SDK1: variants seen among roughly 807,000 people sequenced by gnomAD.
The protein encoded by SDK1 is sidekick cell adhesion molecule 1.
SDK1 carries 157 observed loss-of-function variants against 245.5 expected under a neutral mutation model. That is an observed-to-expected ratio of 0.64 (90% CI 0.56 to 0.73). The LOEUF is 0.73. Among genes scored for constraint, SDK1 ranks in the 30% least tolerant of loss-of-function variants. The probability of loss-of-function intolerance (pLI) is 0.00; values close to 1 mark genes in which losing one functional copy is unlikely to be tolerated. For missense variants in SDK1, 3,583 were observed against 3,002.3 expected, an observed-to-expected ratio of 1.19 and a Z score of -4.52; for synonymous variants, 1,647 against 1,278.5, an observed-to-expected ratio of 1.29 and a Z score of -6.15.
At chr7:4,242,325 G>T (rs1786580060) in intron 43 of SDK1, among the ~76,000 whole-genome samples, 1 of 152,176 alleles carries the variant, frequency 6.6e-6, no homozygotes, top group Admixed American at 6.5e-5. Context: ...TGATTTCATT[G>T]CTCTGTGTAT....
At chr7:3,974,874 T>C (rs1222925801) in intron 13 of SDK1, 1 of 210,382 alleles carries the variant, frequency 4.8e-6, no homozygotes, top group Non-Finnish European at 9.6e-6. Context: ...CAAGTTCATT[T>C]TTCCACATAA....
intron 17 of SDK1, among the ~76,000 whole-genome samples, chr7:4,033,188 G>T (rs568216493): frequency 6.6e-6 from 1 of 152,138 alleles, no homozygotes; most frequent in East Asian, 1.9e-4. Context: ...TATAATAAAA[G>T]GACATCTTGA....
chr7:4,194,588 A>C (rs757502712), intron 35 of SDK1, among the ~76,000 whole-genome samples: 12 of 152,104 alleles, frequency 7.9e-5, no homozygotes, highest in Non-Finnish European at 1.3e-4. Context: ...TCCGAGCCTC[A>C]AAACTGAACA....
intron 36 of SDK1, 54 bp from the exon 37 acceptor site, chr7:4,208,045 G>A (rs1227941739): frequency 1.6e-5 from 23 of 1,395,756 alleles, no homozygotes; most frequent in African/African-American, 5.7e-5. Flanking sequence ...AGTGGCCCCC[G>A]CTTACTGGAA....
At chr7:3,520,534 A>G (rs1025188958) in intron 1 of SDK1, among the ~76,000 whole-genome samples, 7 of 152,220 alleles carry the variant, frequency 4.6e-5, no homozygotes, top group African/African-American at 1.7e-4. Flanking sequence ...GGAAGTTTTA[A>G]TATAAATCTC....
intron 28 of SDK1, among the ~76,000 whole-genome samples, chr7:4,145,174 CA>C (rs1779875020): frequency 6.6e-6 from 1 of 152,100 alleles, no homozygotes; most frequent in African/African-American, 2.4e-5. Context: ...GGGGTGGGGC[CA>C]AAGAAGGGGC....
At chr7:3,622,366 AG>A (rs1312331955) in intron 2 of SDK1, among the ~76,000 whole-genome samples, 4 of 152,122 alleles carry the variant, frequency 2.6e-5, no homozygotes, top group Admixed American at 2.6e-4. Context: ...CTGTAATCCC[AG>A]CTACTTGGGA....
At chr7:3,506,595 GT>G (rs1368627557) in intron 1 of SDK1, among the ~76,000 whole-genome samples, 1 of 152,014 alleles carries the variant, frequency 6.6e-6, no homozygotes, top group Non-Finnish European at 1.5e-5. Flanking sequence ...ATATTATATT[GT>G]TTGCTGTTTT....
intron 35 of SDK1, among the ~76,000 whole-genome samples, chr7:4,189,122 C>T (rs2128222037): frequency 6.6e-6 from 1 of 152,234 alleles, no homozygotes; most frequent in Admixed American, 6.5e-5. Flanking sequence ...ATTTGGAAAT[C>T]CTCGCCGTCT....
intron 4 of SDK1, among the ~76,000 whole-genome samples, chr7:3,768,995 C>G: frequency 6.6e-6 from 1 of 152,178 alleles, no homozygotes; most frequent in East Asian, 1.9e-4. Flanking sequence ...CGGGTGACAT[C>G]TGTAAAATGG....
At chr7:3,726,831 A>G (rs138822329) in intron 4 of SDK1, among the ~76,000 whole-genome samples, 1 of 151,992 alleles carries the variant, frequency 6.6e-6, no homozygotes, top group Non-Finnish European at 1.5e-5. Context: ...AACTCCCCCA[A>G]CTCTTCTCTT....
At chr7:3,860,990 G>C (rs60121447) in intron 5 of SDK1, among the ~76,000 whole-genome samples, 8,066 of 152,166 alleles carry the variant, frequency 0.053, 692 homozygotes, top group African/African-American at 0.18. Context: ...CTGGGCAGCT[G>C]TCCCCACTTT....
At chr7:4,053,485 T>C (rs1445513045) in intron 19 of SDK1, among the ~76,000 whole-genome samples, 2 of 152,190 alleles carry the variant, frequency 1.3e-5, no homozygotes, top group African/African-American at 4.8e-5. Context: ...TATTGGATCC[T>C]TTCCCTCCTC....
intron 5 of SDK1, among the ~76,000 whole-genome samples, chr7:3,842,217 C>A (rs1030696072): frequency 1.3e-5 from 2 of 152,188 alleles, no homozygotes; most frequent in African/African-American, 2.4e-5. Context: ...GTACTTGCAC[C>A]ACCATCCCCA....
intron 4 of SDK1, among the ~76,000 whole-genome samples, chr7:3,678,936 A>T (rs190518527): frequency 6.6e-6 from 1 of 152,320 alleles, no homozygotes; most frequent in Admixed American, 6.5e-5. Context: ...ACTTAAATGA[A>T]CAACAACAAC....
At chr7:3,328,362 T>G (rs889733480) in intron 1 of SDK1, among the ~76,000 whole-genome samples, 1 of 152,122 alleles carries the variant, frequency 6.6e-6, no homozygotes, top group African/African-American at 2.4e-5. Flanking sequence ...CTTTTAGATA[T>G]ATATATTGAA....
intron 4 of SDK1, among the ~76,000 whole-genome samples, chr7:3,695,783 C>G (rs960633882): frequency 6.6e-6 from 1 of 152,114 alleles, no homozygotes. Context: ...AGAAGGCAAC[C>G]GCTAGACGTA....
chr7:4,083,224 C>T (rs373078299), intron 22 of SDK1, among the ~76,000 whole-genome samples: 1 of 152,130 alleles, frequency 6.6e-6, no homozygotes, highest in Non-Finnish European at 1.5e-5. Flanking sequence ...ACAGGTTCCT[C>T]ACCCTCAAAG....
intron 5 of SDK1, among the ~76,000 whole-genome samples, chr7:3,864,055 A>G (rs1174357996): frequency 2.0e-5 from 3 of 152,176 alleles, no homozygotes; most frequent in Non-Finnish European, 1.5e-5. Flanking sequence ...TCCACAGTGC[A>G]CACAGGTTCC....
Sources: gnomAD v4.1 joint callset for allele counts (sites outside exome capture counted in the v4.1 genomes callset) on GRCh38, gnomAD v4.1.1 for gene constraint, MANE v1.5 for transcripts, NCBI Gene and HGNC (gene_info 2026-07-23, HGNC 2026-07-21) for gene names.